Variants in KAT2B observed in about 807,000 individuals in gnomAD.
KAT2B encodes the protein histone acetyltransferase KAT2B.
Under a neutral mutation model 105.9 loss-of-function variants are expected in KAT2B, and 36 were observed. The ratio of observed to expected loss-of-function variants is 0.34; its 90% CI spans 0.26 to 0.45. The LOEUF is 0.45. Among genes scored for constraint, KAT2B ranks in the 20% least tolerant of loss-of-function variants. The pLI, the probability that KAT2B is intolerant of heterozygous loss-of-function variation, is 1.00. For missense variants in KAT2B, 820 were observed against 1,021.6 expected (o/e 0.80, Z 2.69); for synonymous variants, 397 against 377.9 (o/e 1.05, Z -0.59).
intron 6 of KAT2B, among the ~76,000 whole-genome samples, chr3:20,113,721 C>T (rs192966230): frequency 1.4e-4 from 21 of 152,252 alleles, no homozygotes; most frequent in African/African-American, 4.3e-4. Context: ...GAGCTGGGAC[C>T]GGCTTCCCAG....
At chr3:20,145,765 C>T (rs1323272881) in intron 13 of KAT2B, among the ~76,000 whole-genome samples, 1 of 152,102 alleles carries the variant, frequency 6.6e-6, no homozygotes, top group Admixed American at 6.6e-5. Flanking sequence ...TGACAGCCTA[C>T]TATTATAGAG....
chr3:20,139,758 A>G lies in KAT2B; in HGVS notation c.1861-463A>G, dbSNP rs558744668. The stretch of plus-strand genomic sequence containing the variant: ...CTGGAATTTTTTTGCCTGCAAAGAA[A>G]GGATTTCATTTCCTCAGAAACATTA... On this transcript the variant is annotated intron_variant, in intron 12 of 17. Transcript: ENST00000263754. Among the ~76,000 whole-genome samples the G allele has an allele frequency of 7.9e-5, 12 of 152,170 alleles. No homozygotes were observed. The South Asian group carries it at 1.0e-3, about 13-fold the overall frequency.
intron 10 of KAT2B, among the ~76,000 whole-genome samples, chr3:20,127,141 C>T (rs144738456): frequency 1.3e-5 from 2 of 152,186 alleles, no homozygotes; most frequent in African/African-American, 2.4e-5. Context: ...AGTTCCAGAG[C>T]ACCTCTGCAC....
At chr3:20,144,936 C>T (rs1413919337) in intron 13 of KAT2B, among the ~76,000 whole-genome samples, 7 of 152,038 alleles carry the variant, frequency 4.6e-5, no homozygotes, top group African/African-American at 1.7e-4. Flanking sequence ...ACTGGGATTA[C>T]AGGCGTGCAC....
intron 1 of KAT2B, among the ~76,000 whole-genome samples, chr3:20,047,303 C>A (rs772263983): frequency 1.3e-5 from 2 of 152,132 alleles, no homozygotes; most frequent in African/African-American, 4.8e-5. Flanking sequence ...AACTCCTGGG[C>A]TCAAGCAATT....
Position 20,148,318 on chromosome 3 carries a change from CTT to C in KAT2B, c.2220+14_2220+15del. On this transcript the variant is annotated intron_variant, in intron 16 of 17. Coordinates refer to ENST00000263754, the MANE Select transcript of KAT2B (RefSeq NM_003884.5). ...TCCAGCAGGTGAAGGTGGGTGTCCT[CTT>C]TATTCACCTCATGCAAATATTTTGA... 6.2e-7 allele frequency: 1 copy of C among 1,613,014 alleles called. No homozygotes were observed. The highest frequency in any genetic ancestry group is 8.5e-7 in the Non-Finnish European group (1 of 1,179,088).
chr3:20,058,945 G>T (rs1056214593), intron 1 of KAT2B, among the ~76,000 whole-genome samples: 6 of 152,122 alleles, frequency 3.9e-5, no homozygotes, highest in Non-Finnish European at 7.4e-5. Context: ...GACACCCACT[G>T]AATCTTAATC....
intron 2 of KAT2B, among the ~76,000 whole-genome samples, chr3:20,079,275 G>T (rs547555625): frequency 1.6e-4 from 24 of 145,672 alleles, no homozygotes; most frequent in African/African-American, 5.4e-4. Context: ...TGCAATCTCG[G>T]CTCACTGCAA....
chr3:20,122,997 C>T, intron 9 of KAT2B, 193 bp downstream of exon 9: 3 of 955,508 alleles, frequency 3.1e-6, no homozygotes, highest in South Asian at 4.8e-5. Context: ...ATGAATATCA[C>T]ATCACAGGTC....
chr3:20,151,209 G>A (rs2068668), intron 17 of KAT2B, among the ~76,000 whole-genome samples: 9,314 of 152,246 alleles, frequency 0.061, 928 homozygotes, highest in African/African-American at 0.21. Flanking sequence ...CTCTAACCAA[G>A]ATAGGCTTTA....
intron 7 of KAT2B, among the ~76,000 whole-genome samples, chr3:20,116,442 C>T (rs534538817): frequency 6.2e-4 from 94 of 152,220 alleles, no homozygotes; most frequent in African/African-American, 2.1e-3. Flanking sequence ...ATGGAATCAC[C>T]CATGGAATTT....
chr3:20,131,762 C>A (rs1352951597), intron 11 of KAT2B, among the ~76,000 whole-genome samples: 1 of 151,814 alleles, frequency 6.6e-6, no homozygotes, highest in Non-Finnish European at 1.5e-5. Flanking sequence ...TAGGGTCTCC[C>A]TGTGTTGCCC....
intron 2 of KAT2B, among the ~76,000 whole-genome samples, chr3:20,075,972 T>C (rs951908043): frequency 6.6e-6 from 1 of 152,128 alleles, no homozygotes; most frequent in African/African-American, 2.4e-5. Context: ...CTTACCTTTC[T>C]TGTAGATTGA....
rs541936922 is a variant in KAT2B, at chr3:20,068,898, C to A, written c.304-3435C>A. Among the ~76,000 whole-genome samples, 98 of 152,264 alleles carry A rather than the reference C, an allele frequency of 6.4e-4. 1 individual carries two copies. The highest frequency in any genetic ancestry group is 2.3e-3 in the African/African-American group (97 of 41,536). On this transcript the variant is annotated intron_variant, in intron 1 of 17. Transcript: ENST00000263754. ...CTTTGGGAAAGGGCTGTGGATCAGA[C>A]CAACTATTCAGAAAAGCTGGAGGCT...
chr3:20,099,812 AC>A (rs1698877892), intron 3 of KAT2B, 49 bp from the exon 4 acceptor site: 1 of 898,912 alleles, frequency 1.1e-6, no homozygotes, highest in Non-Finnish European at 1.8e-6. Context: ...AGAGAGATAG[AC>A]ATACCAATTA....
intron 1 of KAT2B, among the ~76,000 whole-genome samples, chr3:20,047,169 A>G (rs545749694): frequency 3.4e-5 from 5 of 149,070 alleles, no homozygotes; most frequent in African/African-American, 1.2e-4. Flanking sequence ...CTCCCACCCT[A>G]GTCTCCCAAG....
chr3:20,104,570 G>C (rs1188150217), intron 5 of KAT2B, among the ~76,000 whole-genome samples: 1 of 152,210 alleles, frequency 6.6e-6, no homozygotes, highest in Admixed American at 6.5e-5. Context: ...GCAGGCACCA[G>C]CAGGCTTTAT....
intron 2 of KAT2B, among the ~76,000 whole-genome samples, chr3:20,086,416 TG>T (rs1313189159): frequency 6.6e-6 from 1 of 152,046 alleles, no homozygotes; most frequent in African/African-American, 2.4e-5. Flanking sequence ...CTGGGCAACA[TG>T]GTGAAACTTT....
At position 20,101,407 on chromosome 3, in the gene KAT2B, T is replaced by G; in HGVS notation, c.790T>G (p.Ser264Ala). The G allele has an allele frequency of 6.2e-7, 1 of 1,614,104 alleles. No individual in the cohort carries two copies. Among genetic ancestry groups the G allele is most frequent in the Non-Finnish European group, 8.5e-7 (1 of 1,179,962 alleles). The change falls in exon 5 of 18, where the codon TCT becomes GCT. Residue 264 changes from serine (S) to alanine (A), a missense_variant. Transcript: ENST00000263754. Reference protein sequence around the residue: ...RINYWHLEAPSQRRLRSPNDD... With the variant: ...RINYWHLEAPAQRRLRSPNDD... ...CAACTATTGGCATCTGGAGGCACCATCTCAACGAAGACTGCGATCTCCCAA... is the reference window on the plus strand; with the variant it reads ...CAACTATTGGCATCTGGAGGCACCAGCTCAACGAAGACTGCGATCTCCCAA...
Sources: allele counts gnomAD v4.1 joint callset (sites outside exome capture counted in the v4.1 genomes callset), GRCh38; gene constraint gnomAD v4.1.1; transcripts MANE v1.5; gene names NCBI Gene and HGNC (gene_info 2026-07-23, HGNC 2026-07-21).